SLC27A6: variants seen among roughly 807,000 people sequenced by gnomAD.
The protein encoded by SLC27A6 is long-chain fatty acid transport protein 6.
A neutral mutation model predicts 63.9 loss-of-function variants in SLC27A6; 74 were observed. That is an observed-to-expected ratio of 1.16 (90% CI 0.96 to 1.40). SLC27A6 has a LOEUF of 1.40. SLC27A6 is among the 40% of genes most tolerant of loss of function. The pLI is 0.00. For synonymous variants in SLC27A6, 287 were observed against 260.8 expected, an observed-to-expected ratio of 1.10 and a Z score of -0.97; for missense variants, 794 against 732.9, an observed-to-expected ratio of 1.08 and a Z score of -0.96.
Position 128,966,303 on chromosome 5 carries a change from G to C in SLC27A6, c.166G>C (p.Val56Leu), listed in dbSNP as rs774072839. 2 of 1,613,564 alleles carry C rather than the reference G, an allele frequency of 1.2e-6. No individual in the cohort carries two copies. Among genetic ancestry groups the C allele is most frequent in the East Asian group, 2.2e-5 (1 of 44,892 alleles). Residue 56 changes from valine (V) to leucine (L), a missense_variant, in exon 1 of 10, where the codon GTG becomes CTG. Val to Leu is a conservative substitution (Grantham distance 32). Coordinates refer to ENST00000262462, the MANE Select transcript of SLC27A6 (RefSeq NM_001017372.3). Reference protein sequence around the residue: ...KYEKRGELVTVLDKFLSHAKR... With the variant: ...KYEKRGELVTLLDKFLSHAKR... ...TGAAAAGAGAGGGGAGCTGGTGACTGTGCTGGATAAATTCTTGAGTCATGC... is the reference window on the plus strand; with the variant it reads ...TGAAAAGAGAGGGGAGCTGGTGACTCTGCTGGATAAATTCTTGAGTCATGC...
intron 1 of SLC27A6, among the ~76,000 whole-genome samples, chr5:128,983,547 G>A (rs1022007248): frequency 1.3e-5 from 2 of 151,888 alleles, no homozygotes; most frequent in Non-Finnish European, 2.9e-5. Context: ...CACCTGCTTC[G>A]GCCTCCCAAA....
chr5:129,014,117 A>C (rs142406931), intron 4 of SLC27A6, among the ~76,000 whole-genome samples: 21 of 152,320 alleles, frequency 1.4e-4, no homozygotes, highest in African/African-American at 5.1e-4. Flanking sequence ...GCAGGAAAAG[A>C]GTTTAGTGAT....
chr5:129,008,865 ATTTTT>A (rs777633985), intron 4 of SLC27A6, among the ~76,000 whole-genome samples: 1 of 122,846 alleles, frequency 8.1e-6, no homozygotes, highest in Admixed American at 8.4e-5. Flanking sequence ...TTTTCAATTG[ATTTTT>A]TTTTTTTTTT....
intron 5 of SLC27A6, among the ~76,000 whole-genome samples, chr5:129,017,358 A>G (rs1207054078): frequency 6.6e-6 from 1 of 152,138 alleles, no homozygotes; most frequent in Non-Finnish European, 1.5e-5. Context: ...AGAAAAAATC[A>G]TAATAGAAAT....
intron 5 of SLC27A6, among the ~76,000 whole-genome samples, chr5:129,021,656 A>G (rs1005427021): frequency 6.6e-6 from 1 of 152,180 alleles, no homozygotes; most frequent in Non-Finnish European, 1.5e-5. Flanking sequence ...TGTGGCATCT[A>G]TTTTTTAAAT....
intron 4 of SLC27A6, among the ~76,000 whole-genome samples, chr5:129,003,628 G>C (rs1185816285): frequency 6.6e-6 from 1 of 152,056 alleles, no homozygotes; most frequent in Non-Finnish European, 1.5e-5. Flanking sequence ...CTTGAGCTCA[G>C]GAGTTCAAGA....
chr5:128,972,326 A>G (rs1750202582), intron 1 of SLC27A6, among the ~76,000 whole-genome samples: 1 of 152,292 alleles, frequency 6.6e-6, no homozygotes, highest in South Asian at 2.1e-4. Flanking sequence ...TAGGTAGGGT[A>G]AGTTCTCCTG....
At chr5:128,977,897 T>C (rs1750442981) in intron 1 of SLC27A6, among the ~76,000 whole-genome samples, 2 of 152,156 alleles carry the variant, frequency 1.3e-5, no homozygotes, top group African/African-American at 4.8e-5. Flanking sequence ...CATTGTTCTG[T>C]TTGTTTTAAG....
chr5:128,985,252 C>T lies in SLC27A6; in HGVS notation c.601C>T (p.Pro201Ser). ...ISLKEKLSTS[P>S]DEPVPRSHHV... ...ACTCAAAGAAAAACTGAGCACCTCA[C>T]CTGATGAGCCCGTGCCACGCAGCCA... The change falls in exon 2 of 10, where the codon CCT becomes TCT. Residue 201 changes from proline to serine, a missense_variant. Transcript: ENST00000262462. 6.2e-7 allele frequency: 1 copy of T among 1,614,072 alleles called. No individual in the cohort carries two copies. Among genetic ancestry groups the T allele is most frequent in the Non-Finnish European group, 8.5e-7 (1 of 1,179,972 alleles).
At chr5:128,971,572 T>C (rs1430653826) in intron 1 of SLC27A6, among the ~76,000 whole-genome samples, 1 of 143,754 alleles carries the variant, frequency 7.0e-6, no homozygotes, top group Non-Finnish European at 1.6e-5. Context: ...GAGACTAGGA[T>C]TGCAACCCCT....
At chr5:128,970,603 T>C (rs1750109643) in intron 1 of SLC27A6, among the ~76,000 whole-genome samples, 1 of 152,180 alleles carries the variant, frequency 6.6e-6, no homozygotes, top group Non-Finnish European at 1.5e-5. Context: ...TCAGTGGTTG[T>C]ATCCCCTTTA....
intron 1 of SLC27A6, among the ~76,000 whole-genome samples, chr5:128,984,275 A>G (rs1458126970): frequency 2.0e-5 from 3 of 152,238 alleles, no homozygotes; most frequent in African/African-American, 7.2e-5. Flanking sequence ...TGTATCCCAC[A>G]GAGTGTTGGT....
rs1413258122 is a variant in SLC27A6 at position 129,023,819 on chromosome 5, C to A, written c.1255+109C>A. 4.3e-5 allele frequency: 31 copies of A among 715,032 alleles called. 1 individual carries two copies. In the East Asian group the frequency reaches 7.5e-4, roughly 17 times the overall value. The allele number at this position is 715,032 out of a possible 1,614,324, so 44.3% of individuals were successfully genotyped here. A position where few individuals can be genotyped will look rare whatever the true frequency, so the allele number is the denominator to read the frequency against. On this transcript the variant is annotated intron_variant, in intron 6 of 9. Transcript: ENST00000262462. ...TGGTTCCAGGACCCCGGGTAGACACCAAAATTCATGGATGTTTGCTCCTTA... is the reference window on the plus strand; with the variant it reads ...TGGTTCCAGGACCCCGGGTAGACACAAAAATTCATGGATGTTTGCTCCTTA...
At chr5:129,026,407 G>T (rs888610323) in intron 6 of SLC27A6, among the ~76,000 whole-genome samples, 7 of 152,088 alleles carry the variant, frequency 4.6e-5, no homozygotes. Flanking sequence ...AAACATAACT[G>T]AAACTAATAA....
chr5:129,014,297 A>C (rs1751820658), intron 4 of SLC27A6, among the ~76,000 whole-genome samples: 1 of 152,202 alleles, frequency 6.6e-6, no homozygotes, highest in African/African-American at 2.4e-5. Context: ...GTGTCTGAAG[A>C]ACAAAAGGAA....
intron 4 of SLC27A6, among the ~76,000 whole-genome samples, chr5:129,009,522 A>G (rs1195620838): frequency 1.3e-5 from 2 of 152,220 alleles, no homozygotes; most frequent in East Asian, 3.8e-4. Flanking sequence ...AATTTTATTC[A>G]TAGCTGAGAC....
At chr5:128,974,319 G>T (rs1263530544) in intron 1 of SLC27A6, among the ~76,000 whole-genome samples, 1 of 152,180 alleles carries the variant, frequency 6.6e-6, no homozygotes, top group African/African-American at 2.4e-5. Context: ...GCCACTTTGG[G>T]ATACTGAAGT....
Position 129,006,071 on chromosome 5 carries a change from G to GTTTTTTT in SLC27A6, c.970-9795_970-9789dup, listed in dbSNP as rs4068575. ...TAAAATTTTCATTCCTGTGCACACT[G>GTTTTTTT]TTTTTTTTTTTTTTTTTTTTTTTTT... On this transcript the variant is annotated intron_variant, in intron 4 of 9. Transcript: ENST00000262462. Among the ~76,000 whole-genome samples, 18 of 60,146 alleles carry GTTTTTTT rather than the reference G, an allele frequency of 3.0e-4. 2 individuals are homozygous for GTTTTTTT. The highest frequency in any genetic ancestry group is 8.3e-4 in the African/African-American group (10 of 12,094). The allele number at this position is 60,146 out of a possible 152,430, so 39.5% of individuals were successfully genotyped here. A position where few individuals can be genotyped will look rare whatever the true frequency, so the allele number is the denominator to read the frequency against.
At chr5:128,995,435 A>G (rs1444384816) in intron 4 of SLC27A6, among the ~76,000 whole-genome samples, 1 of 152,210 alleles carries the variant, frequency 6.6e-6, no homozygotes, top group African/African-American at 2.4e-5. Context: ...AGGGGGAGAG[A>G]AAATAAACCC....
Sources: allele counts gnomAD v4.1 joint callset (sites outside exome capture counted in the v4.1 genomes callset), GRCh38; gene constraint gnomAD v4.1.1; transcripts MANE v1.5; gene names NCBI Gene and HGNC (gene_info 2026-07-23, HGNC 2026-07-21).